DST: variants seen among roughly 807,000 people sequenced by gnomAD.
DST encodes the protein dystonin, also known as bullous pemphigoid antigen.
A neutral mutation model predicts 875.2 loss-of-function variants in DST; 253 were observed. The observed-to-expected ratio is 0.29, with a 90% confidence interval of 0.26 to 0.32. The LOEUF (loss-of-function observed/expected upper bound fraction) is 0.32. DST is among the 10% of genes least tolerant of loss of function. DST has a pLI of 1.00. For synonymous variants in DST, 3,124 were observed against 3,197.1 expected, an observed-to-expected ratio of 0.98 and a Z score of 0.77; for missense variants, 8,287 against 9,111.6, an observed-to-expected ratio of 0.91 and a Z score of 3.68.
At chr6:56,601,746 T>C in intron 43 of DST, 70 bp from the exon 44 acceptor site, 1 of 939,138 alleles carries the variant, frequency 1.1e-6, no homozygotes. Context: ...AACAATAATA[T>C]TTATGTTTTG....
intron 61 of DST, 105 bp downstream of exon 61, chr6:56,552,079 A>T: frequency 7.8e-7 from 1 of 1,279,200 alleles, no homozygotes; most frequent in Non-Finnish European, 1.1e-6. Flanking sequence ...ATATTGTATG[A>T]CAATCATTAT....
chr6:56,682,709 G>A (rs2099162723), intron 9 of DST, among the ~76,000 whole-genome samples: 1 of 152,220 alleles, frequency 6.6e-6, no homozygotes, highest in Non-Finnish European at 1.5e-5. Context: ...GCTGTCACCA[G>A]ACATATGCCT....
chr6:56,517,696 A>T, intron 69 of DST, 76 bp from the exon 70 acceptor site: 1 of 1,481,834 alleles, frequency 6.7e-7, no homozygotes, highest in Non-Finnish European at 9.0e-7. Context: ...CAGTTCTTTG[A>T]AATATCCTTA....
intron 4 of DST, among the ~76,000 whole-genome samples, chr6:56,836,742 T>C (rs1463971440): frequency 4.0e-5 from 6 of 149,484 alleles, no homozygotes; most frequent in East Asian, 2.0e-4. Context: ...TCCCAGCTAC[T>C]CGGGAGGCTG....
intron 9 of DST, among the ~76,000 whole-genome samples, chr6:56,672,523 T>A (rs2099107096): frequency 6.6e-6 from 1 of 152,120 alleles, no homozygotes; most frequent in Admixed American, 6.5e-5. Context: ...AGCATAAAAT[T>A]TACCAATATT....
At chr6:56,849,224 C>T (rs549080793) in intron 4 of DST, among the ~76,000 whole-genome samples, 157 of 146,742 alleles carry the variant, frequency 1.1e-3, no homozygotes, top group Middle Eastern at 3.8e-3. Flanking sequence ...GCAACATCTG[C>T]CTCCTGGGTT....
Position 56,593,769 on chromosome 6 carries a change from G to C in DST, c.12620C>G (p.Ser4207Cys), listed in dbSNP as rs1047065462. The change falls in exon 48 of 104, where the codon TCT becomes TGT. Residue 4207 changes from serine to cysteine, a missense_variant. By Grantham distance (112) the Ser-to-Cys change is moderately radical. Transcript: ENST00000680361. ...SGNRVLEAAK[S>C]CSKRDGGKVD... ...CTTGCCACCGTCTCTCTTGCTGCAAGATTTGGCAGCTTCCAACACTCTGTT... is the reference window on the plus strand; with the variant it reads ...CTTGCCACCGTCTCTCTTGCTGCAACATTTGGCAGCTTCCAACACTCTGTT... The C allele has an allele frequency of 1.9e-6, 3 of 1,613,954 alleles. No individual in the cohort carries two copies. The highest frequency in any genetic ancestry group is 2.7e-5 in the African/African-American group (2 of 75,028).
rs2095947940 is a variant in DST, at chr6:56,497,286, A to T, written c.20223+93T>A. On this transcript the variant is annotated intron_variant, in intron 82 of 103. Transcript: ENST00000680361. ...TTTCTGCCATAAACTATATCTTTAA[A>T]GCCTTCTCCCACGATTTATGTATCG... 1.2e-5 allele frequency: 17 copies of T among 1,430,002 alleles called. No individual in the cohort carries two copies. In the South Asian group the frequency reaches 2.1e-4, roughly 17 times the overall value. The allele number at this position is 1,430,002 out of a possible 1,614,324, so 88.6% of individuals were successfully genotyped here.
At chr6:56,797,271 C>T (rs989012417) in intron 4 of DST, among the ~76,000 whole-genome samples, 4 of 152,160 alleles carry the variant, frequency 2.6e-5, no homozygotes, top group Non-Finnish European at 4.4e-5. Context: ...AGCCACCATA[C>T]CCCTGGCCTC....
In DST at chr6:56,468,901, C is replaced by T. The variant is rs187938046; in HGVS notation, c.22569+81G>A. On this transcript the variant is annotated intron_variant, in intron 98 of 103. Transcript: ENST00000680361. The stretch of plus-strand genomic sequence containing the variant: ...AGGGAGACAGCATGGGAAAGATTGG[C>T]CATGGCAAGCTTTAATGACTATGAA... 156 of 1,170,408 alleles carry T rather than the reference C, an allele frequency of 1.3e-4. 1 individual carries two copies. In the East Asian group the frequency reaches 4.1e-3, roughly 31 times the overall value. The allele number at this position is 1,170,408 out of a possible 1,614,324, so 72.5% of individuals were successfully genotyped here.
intron 4 of DST, among the ~76,000 whole-genome samples, chr6:56,799,204 C>T (rs2099743904): frequency 6.6e-6 from 1 of 152,118 alleles, no homozygotes; most frequent in South Asian, 2.1e-4. Context: ...CTAACAGCAT[C>T]ACAGGCTGGC....
At chr6:56,703,835 G>A (rs546562326) in intron 6 of DST, 89 bp from the exon 7 acceptor site, 57 of 304,164 alleles carry the variant, frequency 1.9e-4, no homozygotes, top group African/African-American at 1.3e-3. Flanking sequence ...ACATAATGAA[G>A]GAGAACAGGT....
rs144019912 is a variant in DST at position 56,938,082 on chromosome 6, T to TTCTCTCTCTC, written c.216+15693_216+15702dup. On this transcript the variant is annotated intron_variant, in intron 2 of 103. Coordinates refer to ENST00000680361, the MANE Select transcript of DST (RefSeq NM_001374736.1). ...CTAGAAATTACACCTCTCTCTCTCT[T>TTCTCTCTCTC]TCTCTCTCTCTCTCTCTCTCTCTCT... Among the ~76,000 whole-genome samples, 23 of 131,686 alleles carry TTCTCTCTCTC rather than the reference T, an allele frequency of 1.7e-4. 1 individual carries two copies. Among genetic ancestry groups the TTCTCTCTCTC allele is most frequent in the African/African-American group, 6.6e-4 (20 of 30,418 alleles). The allele number at this position is 131,686 out of a possible 152,430, so 86.4% of individuals were successfully genotyped here.
At chr6:56,808,476 A>G (rs954696751) in intron 4 of DST, among the ~76,000 whole-genome samples, 1 of 152,250 alleles carries the variant, frequency 6.6e-6, no homozygotes, top group Non-Finnish European at 1.5e-5. Flanking sequence ...CATGTTTTCC[A>G]TTCTTATTTT....
chr6:56,503,855 T>C, intron 78 of DST, 142 bp downstream of exon 78: 1 of 523,924 alleles, frequency 1.9e-6, no homozygotes, highest in Non-Finnish European at 3.3e-6. Context: ...GCTTAGCATG[T>C]GAAAGCACTA....
intron 4 of DST, among the ~76,000 whole-genome samples, chr6:56,839,450 TATA>T (rs1194257464): frequency 6.6e-6 from 1 of 152,242 alleles, no homozygotes; most frequent in Non-Finnish European, 1.5e-5. Context: ...TATGACTAGC[TATA>T]ATATTATCAT....
At chr6:56,649,069 C>T (rs866603862) in intron 12 of DST, among the ~76,000 whole-genome samples, 6 of 152,110 alleles carry the variant, frequency 3.9e-5, no homozygotes, top group African/African-American at 9.7e-5. Context: ...AAGTTAGTTG[C>T]CATCTTTGCC....
intron 48 of DST, among the ~76,000 whole-genome samples, chr6:56,593,117 G>C (rs2098310155): frequency 6.6e-6 from 1 of 152,094 alleles, no homozygotes; most frequent in Non-Finnish European, 1.5e-5. Context: ...CTGGATATTA[G>C]AGCATTTGAG....
chr6:56,804,512 C>A (rs2099750920), intron 4 of DST, among the ~76,000 whole-genome samples: 1 of 152,006 alleles, frequency 6.6e-6, no homozygotes, highest in Admixed American at 6.6e-5. Context: ...TATATCTTAG[C>A]CTCTTTTGAC....
Sources: allele counts gnomAD v4.1 joint callset (sites outside exome capture counted in the v4.1 genomes callset), GRCh38; gene constraint gnomAD v4.1.1; transcripts MANE v1.5; gene names NCBI Gene and HGNC (gene_info 2026-07-23, HGNC 2026-07-21).